Variants in GBF1 observed in about 807,000 individuals in gnomAD.
GBF1 encodes Golgi-specific brefeldin A-resistance guanine nucleotide exchange factor 1.
Under a neutral mutation model 210.5 loss-of-function variants are expected in GBF1, and 114 were observed. That is an observed-to-expected ratio of 0.54 (90% CI 0.47 to 0.63). The LOEUF (loss-of-function observed/expected upper bound fraction) is 0.63. Among genes scored for constraint, GBF1 ranks in the 30% least tolerant of loss-of-function variants. The pLI is 0.00. For synonymous variants in GBF1, 850 were observed against 889.2 expected, an observed-to-expected ratio of 0.96 and a Z score of 0.78; for missense variants, 1,851 against 2,357.7, an observed-to-expected ratio of 0.79 and a Z score of 4.45.
Position 102,380,629 on chromosome 10 carries a change from A to G in GBF1, c.5116A>G (p.Ile1706Val), listed in dbSNP as rs1279675276. Reference sequence around the variant, plus strand: ...CCTCTGGGAGATCACCTGGGAACGCATTGACTGTTTTCTCCCTCACCTACG... The same window carrying G: ...CCTCTGGGAGATCACCTGGGAACGCGTTGACTGTTTTCTCCCTCACCTACG... ...SALWEITWERIDCFLPHLRDE... is the reference protein window; with the variant it reads ...SALWEITWERVDCFLPHLRDE... Residue 1706 changes from isoleucine to valine, a missense_variant, in exon 38 of 40, where the codon ATT becomes GTT. By Grantham distance (29) the Ile-to-Val change is conservative (BLOSUM62 3). This residue lies in a region of GBF1 where 967 missense variants were observed against 1,247.7 expected (regional missense o/e 0.78). Coordinates refer to ENST00000369983, the MANE Select transcript of GBF1 (RefSeq NM_001377137.1). The G allele has an allele frequency of 5.6e-6, 9 of 1,613,952 alleles. No homozygotes were observed. The highest frequency in any genetic ancestry group is 1.7e-5 in the Admixed American group (1 of 59,978).
intron 24 of GBF1, 113 bp from the exon 25 acceptor site, chr10:102,369,598 A>AATAGC: frequency 9.7e-7 from 1 of 1,035,264 alleles, no homozygotes. Context: ...CAATTGGCAC[A>AATAGC]ATAGCATAGG....
chr10:102,324,007 G>A, intron 3 of GBF1, among the ~76,000 whole-genome samples: 1 of 151,930 alleles, frequency 6.6e-6, no homozygotes, highest in Admixed American at 6.6e-5. Context: ...CCCTCATTAT[G>A]GTTTGTCATA....
At chr10:102,319,376 A>AG (rs1454023327) in intron 3 of GBF1, among the ~76,000 whole-genome samples, 3 of 151,748 alleles carry the variant, frequency 2.0e-5, no homozygotes, top group African/African-American at 7.3e-5. Flanking sequence ...CCTGTCTCTA[A>AG]AAAAAAAGAT....
intron 29 of GBF1, 66 bp from the exon 30 acceptor site, chr10:102,375,293 T>G: frequency 1.1e-6 from 1 of 938,374 alleles, no homozygotes. Context: ...GAAAGAAAAC[T>G]AGACAGGAAG....
chr10:102,260,617 A>G (rs754422550), intron 3 of GBF1, among the ~76,000 whole-genome samples: 11 of 150,890 alleles, frequency 7.3e-5, no homozygotes, highest in Non-Finnish European at 1.3e-4. Flanking sequence ...AGCTGGGATT[A>G]CAGGCGCGTG....
rs935241281 is a variant in GBF1 at position 102,366,586 on chromosome 10, T to C, written c.2433+80T>C. On this transcript the variant is annotated intron_variant, in intron 19 of 39. Transcript: ENST00000369983. The surrounding 1 kb of genome is among the most constrained non-coding windows in gnomAD (Gnocchi z 4.0). ...GCTGAAGAATCCAGCTGCTGTCTCTTTTTTTTTTTTTTTTTTTTGAGACAG... is the reference window on the plus strand; with the variant it reads ...GCTGAAGAATCCAGCTGCTGTCTCTCTTTTTTTTTTTTTTTTTTGAGACAG... 1.9e-4 allele frequency: 47 copies of C among 245,772 alleles called. No homozygotes were observed. The East Asian group carries it at 2.0e-3, about 11-fold the overall frequency. 15.2% of individuals were successfully genotyped at this position (245,772 alleles called of 1,614,324 possible).
chr10:102,232,129 G>C, the GBF1 span: 3 of 1,195,682 alleles, frequency 2.5e-6, no homozygotes, highest in African/African-American at 4.5e-5. Flanking sequence ...GGGTAATGGG[G>C]GTAAAATCTC....
intron 1 of GBF1, among the ~76,000 whole-genome samples, chr10:102,252,323 G>C (rs1435857054): frequency 6.7e-6 from 1 of 150,296 alleles, no homozygotes; most frequent in African/African-American, 2.5e-5. Flanking sequence ...GGGCAACAAG[G>C]GGGAAACGCT....
At chr10:102,373,358 T>G (rs975831346) in intron 29 of GBF1, among the ~76,000 whole-genome samples, 1 of 152,186 alleles carries the variant, frequency 6.6e-6, no homozygotes, top group Non-Finnish European at 1.5e-5. Context: ...GTGGATCACC[T>G]GAGGTCAGGA....
At chr10:102,245,832 A>G (rs776877384) in intron 1 of GBF1, 51 bp downstream of exon 1, 3 of 152,202 alleles carry the variant, frequency 2.0e-5, no homozygotes, top group Non-Finnish European at 2.9e-5. Context: ...CCGCCCTGAC[A>G]TCGCAATAGG....
At chr10:102,289,589 G>A (rs929072800) in intron 3 of GBF1, among the ~76,000 whole-genome samples, 2 of 152,100 alleles carry the variant, frequency 1.3e-5, no homozygotes, top group Non-Finnish European at 2.9e-5. Context: ...AGCATCTTTG[G>A]CTTCCTAGGA....
the GBF1 span, among the ~76,000 whole-genome samples, chr10:102,239,244 G>C: frequency 6.6e-6 from 1 of 152,198 alleles, no homozygotes; most frequent in Admixed American, 6.5e-5. Context: ...CAGTTACAAG[G>C]CTTTATGCAA....
chr10:102,375,537 C>G lies in GBF1; in HGVS notation c.3839C>G (p.Pro1280Arg). Reference protein sequence around the residue: ...LLECIGSGVKPPAALQATARA... With the variant: ...LLECIGSGVKRPAALQATARA... ...GAGTGCATCGGCTCAGGTGTGAAGC[C>G]TCCAGCTGCTCTGCAGGCCACAGCC... Residue 1280 changes from proline to arginine, a missense_variant, in exon 30 of 40, where the codon CCT becomes CGT. Pro to Arg is a moderately radical substitution (Grantham distance 103, BLOSUM62 -2). Transcript: ENST00000369983. 6.2e-7 allele frequency: 1 copy of G among 1,614,034 alleles called. No individual in the cohort carries two copies. The highest frequency in any genetic ancestry group is 8.5e-7 in the Non-Finnish European group (1 of 1,179,896).
chr10:102,320,334 A>G (rs1273683796), intron 3 of GBF1, among the ~76,000 whole-genome samples: 2 of 151,904 alleles, frequency 1.3e-5, no homozygotes, highest in African/African-American at 2.4e-5. Context: ...AGTTCTTACA[A>G]TTTCTTTATC....
At chr10:102,254,995 TA>T (rs1403302444) in intron 1 of GBF1, among the ~76,000 whole-genome samples, 2 of 152,132 alleles carry the variant, frequency 1.3e-5, no homozygotes, top group African/African-American at 4.8e-5. Flanking sequence ...AGAAGGAGAT[TA>T]GGCAGCTCTG....
At position 102,351,934 on chromosome 10, in the gene GBF1, T is replaced by C. The variant is rs779671318; in HGVS notation, c.506T>C (p.Phe169Ser). ...ATGCAGTCTTGCTTCCGGATCTGCT[T>C]TGAAATGAGGCTCAGTGGTAGGTGC... ...EIMQSCFRIC[F>S]EMRLSELLRK... The change falls in exon 6 of 40, where the codon TTT becomes TCT. Residue 169 changes from phenylalanine to serine, a missense_variant. Physicochemically the swap from Phe to Ser is radical, Grantham distance 155. This residue lies in a region of GBF1 where 804 missense variants were observed against 958.6 expected (regional missense o/e 0.84). Coordinates refer to ENST00000369983, the MANE Select transcript of GBF1 (RefSeq NM_001377137.1). 6.3e-7 allele frequency: 1 copy of C among 1,598,606 alleles called. No homozygotes were observed. Among genetic ancestry groups the C allele is most frequent in the South Asian group, 1.1e-5 (1 of 90,784 alleles).
At position 102,368,981 on chromosome 10, in the gene GBF1, T is replaced by A. The variant is rs953811730; in HGVS notation, c.2973+149T>A. On this transcript the variant is annotated intron_variant, in intron 23 of 39. Coordinates refer to ENST00000369983, the MANE Select transcript of GBF1 (RefSeq NM_001377137.1). ...TATACCAGAGCTTAGGCCATTTCTG[T>A]CTTGCACACTCTGGGATAAAACTAG... The A allele has an allele frequency of 3.5e-5, 23 of 648,026 alleles. No homozygotes were observed. The African/African-American group carries it at 4.0e-4, about 11-fold the overall frequency. The allele number at this position is 648,026 out of a possible 1,614,324, so 40.1% of individuals were successfully genotyped here. A position where few individuals can be genotyped will look rare whatever the true frequency, so the allele number is the denominator to read the frequency against.
intron 3 of GBF1, among the ~76,000 whole-genome samples, chr10:102,337,298 T>A (rs57458551): frequency 1 from 149,640 of 150,200 alleles, 74,548 homozygotes; most frequent in Middle Eastern, 1. Flanking sequence ...GAATGGTGCG[T>A]GGGGGAGCTT....
intron 1 of GBF1, among the ~76,000 whole-genome samples, chr10:102,249,746 C>A (rs11597939): frequency 0.21 from 31,224 of 148,802 alleles, 3,480 homozygotes; most frequent in South Asian, 0.32. Flanking sequence ...GGCTGGAGTG[C>A]AGTGGTGTGA....
Sources: allele counts gnomAD v4.1 joint callset (sites outside exome capture counted in the v4.1 genomes callset), GRCh38; gene constraint gnomAD v4.1.1; regional missense constraint gnomAD v4.1.1; non-coding constraint Gnocchi (gnomAD v3.1); transcripts MANE v1.5; gene names NCBI Gene and HGNC (gene_info 2026-07-23, HGNC 2026-07-21).